UBAP1: variants seen among roughly 807,000 people sequenced by gnomAD.
UBAP1 encodes ubiquitin-associated protein 1.
A neutral mutation model predicts 39.0 loss-of-function variants in UBAP1; 5 were observed. The ratio of observed to expected loss-of-function variants is 0.13; its 90% confidence interval spans 0.07 to 0.27. UBAP1 has a LOEUF of 0.27. Among genes scored for constraint, UBAP1 ranks in the 10% least tolerant of loss-of-function variants. The pLI is 1.00. For synonymous variants in UBAP1, 211 were observed against 225.1 expected (o/e 0.94, Z 0.56); for missense variants, 490 against 608.1 (o/e 0.81, Z 2.04).
intron 3 of UBAP1, among the ~76,000 whole-genome samples, chr9:34,234,976 C>G (rs1833611442): frequency 6.6e-6 from 1 of 152,056 alleles, no homozygotes; most frequent in Non-Finnish European, 1.5e-5. Flanking sequence ...TGTATTGCTC[C>G]TGAAGACCAT....
At chr9:34,180,324 G>A (rs951552212) in intron 1 of UBAP1, among the ~76,000 whole-genome samples, 3 of 152,048 alleles carry the variant, frequency 2.0e-5, no homozygotes, top group Non-Finnish European at 4.4e-5. Flanking sequence ...AGACCAGCCT[G>A]ACCAACATGT....
At chr9:34,212,342 A>C (rs1016566910) in intron 1 of UBAP1, among the ~76,000 whole-genome samples, 1 of 151,800 alleles carries the variant, frequency 6.6e-6, no homozygotes, top group Admixed American at 6.6e-5. Flanking sequence ...GCTTGAGTTC[A>C]GAAGTTCAAA....
At position 34,205,978 on chromosome 9, in the gene UBAP1, G is replaced by A. The variant is rs113102028; in HGVS notation, c.-7-14930G>A. ...CTGCACTCCAGCCTGGTGACAGAGC[G>A]AGACTCCGTCTCAAAAAACAAACAA... On this transcript the variant is annotated intron_variant, in intron 1 of 6. Transcript: ENST00000297661. Among the ~76,000 whole-genome samples, 66 of 152,316 alleles carry A rather than the reference G, an allele frequency of 4.3e-4. 2 individuals are homozygous for A. Among genetic ancestry groups the A allele is most frequent in the African/African-American group, 1.3e-3 (56 of 41,574 alleles).
At chr9:34,200,889 T>A (rs1470425673) in intron 1 of UBAP1, among the ~76,000 whole-genome samples, 1 of 152,164 alleles carries the variant, frequency 6.6e-6, no homozygotes, top group Non-Finnish European at 1.5e-5. Flanking sequence ...ATAAAAATGT[T>A]AAACTGTATA....
At chr9:34,228,630 C>T (rs1368057473) in intron 2 of UBAP1, among the ~76,000 whole-genome samples, 6 of 136,952 alleles carry the variant, frequency 4.4e-5, no homozygotes, top group Non-Finnish European at 6.2e-5. Flanking sequence ...AGTTCAGTGG[C>T]GTGATTTTCG....
rs6150983 is a variant in UBAP1, at chr9:34,231,127, ATGTGTGTGTGTGTGTGTG to A, written c.35-3057_35-3040del. On this transcript the variant is annotated intron_variant, in intron 2 of 6. Coordinates refer to ENST00000297661, the MANE Select transcript of UBAP1 (RefSeq NM_016525.5). ...GGGCAAATGTCTCTTTAAAAAAATT[ATGTGTGTGTGTGTGTGTG>A]TGTGTGTGTGTGTGTGTGTGTGTGT... Among the ~76,000 whole-genome samples the A allele has an allele frequency of 2.2e-3, 307 of 136,952 alleles. 1 individual carries two copies. Among genetic ancestry groups the A allele is most frequent in the East Asian group, 3.5e-3 (17 of 4,902 alleles). 89.8% of individuals were successfully genotyped at this position (136,952 alleles called of 152,430 possible).
At chr9:34,204,468 A>G (rs1307676934) in intron 1 of UBAP1, among the ~76,000 whole-genome samples, 1 of 147,828 alleles carries the variant, frequency 6.8e-6, no homozygotes, top group Non-Finnish European at 1.5e-5. Context: ...GTCCACACCC[A>G]TTTTTTTTTT....
intron 1 of UBAP1, among the ~76,000 whole-genome samples, chr9:34,208,836 C>T (rs1289043108): frequency 2.0e-5 from 3 of 149,784 alleles, no homozygotes; most frequent in Non-Finnish European, 4.5e-5. Context: ...CCCAGCTACT[C>T]GGGAGGCTGA....
Position 34,194,383 on chromosome 9 carries a change from C to T in UBAP1, c.-8+15143C>T, listed in dbSNP as rs1207177616. On this transcript the variant is annotated intron_variant, in intron 1 of 6. Transcript: ENST00000297661. ...TGGCTGGAGTGCAGTGGCACAATCT[C>T]GGCTCGCTGTAAACTCCGCCTCCCA... 7.9e-5 allele frequency among the ~76,000 whole-genome samples: 12 copies of T among 151,456 alleles called. 1 individual carries two copies. Among genetic ancestry groups the T allele is most frequent in the South Asian group, 2.1e-4 (1 of 4,800 alleles).
chr9:34,220,827 G>A (rs1273533812), intron 1 of UBAP1, 81 bp from the exon 2 acceptor site: 3 of 1,256,482 alleles, frequency 2.4e-6, no homozygotes, highest in African/African-American at 3.0e-5. Flanking sequence ...TAGGTCTTCT[G>A]GTTTCTTTTT....
At chr9:34,213,961 T>C (rs10972004) in intron 1 of UBAP1, among the ~76,000 whole-genome samples, 79,592 of 151,372 alleles carry the variant, frequency 0.53, 22,471 homozygotes, top group South Asian at 0.67. Context: ...TATACCTAAC[T>C]AAGGAGTCAA....
rs138333729 is a variant in UBAP1, at chr9:34,180,212, C to T, written c.-8+972C>T. Among the ~76,000 whole-genome samples the T allele has an allele frequency of 3.0e-3, 464 of 152,278 alleles. 1 individual carries two copies. Among genetic ancestry groups the T allele is most frequent in the Non-Finnish European group, 3.8e-3 (260 of 68,020 alleles). On this transcript the variant is annotated intron_variant, in intron 1 of 6. Coordinates refer to ENST00000297661, the MANE Select transcript of UBAP1 (RefSeq NM_016525.5). ...TAGTTCTTTCTAGTTAATGTCCCAA[C>T]CTAAACTAAAAGTTTCCGTATTGGC...
At chr9:34,243,572 A>C (rs1587883405) in intron 4 of UBAP1, among the ~76,000 whole-genome samples, 1 of 144,092 alleles carries the variant, frequency 6.9e-6, no homozygotes, top group Admixed American at 7.0e-5. Context: ...TGCAACCTCC[A>C]CCTCCCAGGG....
chr9:34,202,534 C>G (rs563887918), intron 1 of UBAP1, among the ~76,000 whole-genome samples: 1 of 151,708 alleles, frequency 6.6e-6, no homozygotes, highest in East Asian at 1.9e-4. Context: ...TTGAGAGATT[C>G]TGTTTTCTGA....
At chr9:34,204,601 C>T (rs974544759) in intron 1 of UBAP1, among the ~76,000 whole-genome samples, 1 of 152,040 alleles carries the variant, frequency 6.6e-6, no homozygotes, top group Non-Finnish European at 1.5e-5. Flanking sequence ...TAATCTATCT[C>T]TAGTCCTTTA....
chr9:34,181,117 T>TTTTTTTC (rs1554644664), intron 1 of UBAP1, among the ~76,000 whole-genome samples: 2 of 40,736 alleles, frequency 4.9e-5, no homozygotes, highest in Non-Finnish European at 1.3e-4. Flanking sequence ...GCCTGTTTTC[T>TTTTTTTC]TTTTTTTTTT....
intron 2 of UBAP1, among the ~76,000 whole-genome samples, chr9:34,221,401 C>T (rs1452185174): frequency 2.6e-5 from 4 of 151,744 alleles, no homozygotes; most frequent in Non-Finnish European, 4.4e-5. Context: ...TGTTGGCGGG[C>T]GCCTGTAGTC....
intron 1 of UBAP1, among the ~76,000 whole-genome samples, chr9:34,216,546 A>G (rs959899841): frequency 6.2e-4 from 94 of 151,470 alleles, no homozygotes; most frequent in African/African-American, 2.3e-3. Context: ...GCTGCAGTGC[A>G]GTGGTGCGAT....
In UBAP1 at chr9:34,249,933, T is replaced by G; in HGVS notation, c.1238T>G (p.Met413Arg). ...GYSYECVLRA[M>R]KKKGENIEQI... ...TCGTACGAGTGTGTCCTCAGAGCCA[T>G]GAAGAAGAAAGGAGAGAATATTGAG... The change falls in exon 5 of 7, where the codon ATG (methionine) becomes AGG (arginine). Residue 413 changes from methionine (M) to arginine (R), a missense_variant. By Grantham distance (91) the Met-to-Arg change is moderately conservative. This residue lies in a region of UBAP1 where 339 missense variants were observed against 390.0 expected (regional missense o/e 0.87). Coordinates refer to ENST00000297661, the MANE Select transcript of UBAP1 (RefSeq NM_016525.5). 1.9e-6 allele frequency: 3 copies of G among 1,614,082 alleles called. No homozygotes were observed. The highest frequency in any genetic ancestry group is 1.7e-6 in the Non-Finnish European group (2 of 1,180,010).
Sources: gnomAD v4.1 joint callset for allele counts (sites outside exome capture counted in the v4.1 genomes callset) on GRCh38, gnomAD v4.1.1 for gene constraint, gnomAD v4.1.1 regional missense constraint, MANE v1.5 for transcripts, NCBI Gene and HGNC (gene_info 2026-07-23, HGNC 2026-07-21) for gene names.